The following SEC14L3 variants were observed in gnomAD, a reference collection of about 807,000 sequenced individuals.
The protein encoded by SEC14L3 is SEC14-like protein 3.
In SEC14L3, 56 loss-of-function variants were observed where a neutral mutation model predicts 57.4. That is an observed-to-expected ratio of 0.97 (90% CI 0.79 to 1.22). SEC14L3 has a LOEUF of 1.22. Among genes scored for constraint, SEC14L3 ranks in the 50% most tolerant of loss-of-function variants. The probability of loss-of-function intolerance (pLI) is 0.00; values close to 1 mark genes in which losing one functional copy is unlikely to be tolerated. For missense variants in SEC14L3, 485 were observed against 511.7 expected (o/e 0.95, Z 0.50); for synonymous variants, 173 against 194.4 (o/e 0.89, Z 0.92).
chr22:30,450,029 G>A (rs1007880526), intron 12 of SEC14L3, among the ~76,000 whole-genome samples: 7 of 152,050 alleles, frequency 4.6e-5, no homozygotes, highest in Admixed American at 1.3e-4. Context: ...GTCCCTCCCC[G>A]CTACTGCTGT....
chr22:30,452,246 C>CTTTTT (rs750537241), intron 12 of SEC14L3, among the ~76,000 whole-genome samples: 20 of 90,008 alleles, frequency 2.2e-4, no homozygotes, highest in Non-Finnish European at 2.9e-4. Context: ...TTCTTTCTTT[C>CTTTTT]TTTTTTTTTT....
Position 30,461,467 on chromosome 22 carries a change from TGAG to T in SEC14L3, c.921_923del (p.Phe307_Ser308delinsLeu). On this transcript the variant is annotated inframe_deletion, in exon 11 of 12. Coordinates refer to ENST00000215812, the MANE Select transcript of SEC14L3 (RefSeq NM_174975.5). Reference sequence around the variant, plus strand: ...CGAAGCCGATGTCCGCACCATCAGATGAGAACTGCCACCTGTCAGGGGGAGGGG... The same window carrying T: ...CGAAGCCGATGTCCGCACCATCAGATAACTGCCACCTGTCAGGGGGAGGGG... 1 of 1,613,634 alleles carries T rather than the reference TGAG, an allele frequency of 6.2e-7. No individual in the cohort carries two copies. Among genetic ancestry groups the T allele is most frequent in the Non-Finnish European group, 8.5e-7 (1 of 1,179,726 alleles).
intron 11 of SEC14L3, 49 bp from the exon 12 acceptor site, chr22:30,460,191 T>C: frequency 6.3e-7 from 1 of 1,593,906 alleles, no homozygotes; most frequent in Non-Finnish European, 8.6e-7. Context: ...TTACACACTC[T>C]TTTTTCCACC....
intron 4 of SEC14L3, 63 bp downstream of exon 4, chr22:30,469,956 G>A: frequency 7.7e-7 from 1 of 1,291,852 alleles, no homozygotes; most frequent in East Asian, 2.3e-5. Context: ...CTCATTCATG[G>A]TCCCCAGTGA....
At chr22:30,449,204 G>C (rs956464410) in exon 13 of SEC14L3, 3 of 1,550,434 alleles carry the variant, frequency 1.9e-6, no homozygotes, top group African/African-American at 2.7e-5. Context: ...ATATAATCAC[G>C]GGCAGATGAC....
Position 30,470,501 on chromosome 22 carries a change from C to G in SEC14L3, c.130+6G>C. 1 of 1,614,140 alleles carries G rather than the reference C, an allele frequency of 6.2e-7. No homozygotes were observed. The highest frequency in any genetic ancestry group is 8.5e-7 in the Non-Finnish European group (1 of 1,180,038). ...TGATCCCAACCTCTCCCACCTCTGCCCTCACCTCGGAGCCAGCGTAGAAGG... is the reference window on the plus strand; with the variant it reads ...TGATCCCAACCTCTCCCACCTCTGCGCTCACCTCGGAGCCAGCGTAGAAGG... On this transcript the variant is annotated splice_donor_region_variant and intron_variant, in intron 2 of 11. Transcript: ENST00000215812.
At chr22:30,466,241 T>G (rs1419536592) in intron 7 of SEC14L3, 93 bp downstream of exon 7, 1 of 1,262,250 alleles carries the variant, frequency 7.9e-7, no homozygotes, top group African/African-American at 1.5e-5. Context: ...CCAACCTGCC[T>G]CACAACAATC....
Position 30,468,528 on chromosome 22 carries a change from A to G in SEC14L3, c.403T>C (p.Cys135Arg). The change falls in exon 5 of 12, where the codon TGT becomes CGT. Residue 135 changes from cysteine (C) to arginine (R), a missense_variant. Coordinates refer to ENST00000215812, the MANE Select transcript of SEC14L3 (RefSeq NM_174975.5). The stretch of plus-strand genomic sequence containing the variant: ...CTCACCCTCTCTGTCTGCAGGTCAC[A>G]CTCATGCAGGATGCGCTCACAGTCC... ...MRDCERILHE[C>R]DLQTERLGKK... is the part of the protein sequence containing the mutation. 13 of 1,613,142 alleles carry G rather than the reference A, an allele frequency of 8.1e-6. No individual in the cohort carries two copies. Among genetic ancestry groups the G allele is most frequent in the Non-Finnish European group, 9.3e-6 (11 of 1,179,574 alleles).
chr22:30,471,394 C>CT (rs893556306), intron 1 of SEC14L3: 3 of 395,842 alleles, frequency 7.6e-6, no homozygotes, highest in African/African-American at 2.1e-5. Context: ...AAAACATCTG[C>CT]TTTTTTTCAT....
chr22:30,467,515 G>T (rs5997655), intron 5 of SEC14L3, among the ~76,000 whole-genome samples: 104,319 of 151,698 alleles, frequency 0.69, 36,960 homozygotes, highest in African/African-American at 0.86. Flanking sequence ...TCCTTAAAAA[G>T]TTCACTGTCT....
rs34559544 is a variant in SEC14L3, at chr22:30,461,443, G to A, written c.948C>T (p.Phe316=). 1.6e-3 allele frequency: 2,509 copies of A among 1,613,940 alleles called. 1 individual carries two copies. Among genetic ancestry groups the A allele is most frequent in the Non-Finnish European group, 2.0e-3 (2,322 of 1,179,914 alleles). The change falls in exon 11 of 12, where the codon TTC becomes TTT. Residue 316 remains phenylalanine (F), a synonymous_variant. Coordinates refer to ENST00000215812, the MANE Select transcript of SEC14L3 (RefSeq NM_174975.5). The stretch of plus-strand genomic sequence containing the variant: ...CCATCTTGGTCTTCAGGAAAACTCC[G>A]AAGCCGATGTCCGCACCATCAGATG... ...QFSSDGADIG[F]GVFLKTKMGE... is the part of the protein sequence containing the mutation.
chr22:30,467,492 C>A (rs1935459082), intron 5 of SEC14L3, among the ~76,000 whole-genome samples: 1 of 152,138 alleles, frequency 6.6e-6, no homozygotes, highest in Non-Finnish European at 1.5e-5. Flanking sequence ...TGCCTAATAA[C>A]CCACAGTTTT....
chr22:30,468,257 T>G, intron 5 of SEC14L3, among the ~76,000 whole-genome samples: 1 of 149,526 alleles, frequency 6.7e-6, no homozygotes, highest in Non-Finnish European at 1.5e-5. Context: ...CCAGCCTAGG[T>G]GACAGAGCGA....
intron 1 of SEC14L3, chr22:30,471,263 T>C (rs527960053): frequency 2.2e-6 from 1 of 454,736 alleles, no homozygotes; most frequent in Non-Finnish European, 4.4e-6. Flanking sequence ...CCAGCCTGGA[T>C]GACAGAGACT....
downstream of SEC14L3, among the ~76,000 whole-genome samples, chr22:30,455,214 TTAAA>T (rs1326963984): frequency 1.6e-5 from 2 of 124,780 alleles, no homozygotes; most frequent in African/African-American, 6.0e-5. Flanking sequence ...AATATAAATA[TTAAA>T]TAATATAATA....
At chr22:30,454,898 G>A (rs1368987341), downstream of SEC14L3, among the ~76,000 whole-genome samples, 1 of 12,902 alleles carries the variant, frequency 7.8e-5, no homozygotes, top group Non-Finnish European at 1.1e-4. Context: ...TTATATAATA[G>A]ATATATAATA....
chr22:30,452,246 CTTTTTTTT>C (rs750537241), intron 12 of SEC14L3, among the ~76,000 whole-genome samples: 11 of 90,026 alleles, frequency 1.2e-4, no homozygotes, highest in Non-Finnish European at 8.2e-5. Flanking sequence ...TTCTTTCTTT[CTTTTTTTT>C]TTTTTTTTTT....
chr22:30,456,299 C>CAA (rs61284271), downstream of SEC14L3, among the ~76,000 whole-genome samples: 3,524 of 95,860 alleles, frequency 0.037, 148 homozygotes, highest in African/African-American at 0.081. Context: ...ACCCTGTCTC[C>CAA]AAAAAAAAAA....
intron 5 of SEC14L3, 30 bp downstream of exon 5, chr22:30,468,478 G>A: frequency 1.9e-6 from 3 of 1,571,632 alleles, no homozygotes; most frequent in Non-Finnish European, 1.7e-6. Flanking sequence ...CCTGCCCCCA[G>A]CCATCCACCC....
Sources: gnomAD v4.1 joint callset for allele counts (sites outside exome capture counted in the v4.1 genomes callset) on GRCh38, gnomAD v4.1.1 for gene constraint, MANE v1.5 for transcripts, NCBI Gene and HGNC (gene_info 2026-07-23, HGNC 2026-07-21) for gene names.